Variants in MAP2K4 observed in about 807,000 individuals in gnomAD.
MAP2K4 encodes the protein mitogen-activated protein kinase kinase 4, also known as dual specificity mitogen-activated protein kinase kinase 4.
Under a neutral mutation model 48.5 loss-of-function variants are expected in MAP2K4, and 4 were observed. The observed-to-expected ratio is 0.08, with a 90% CI of 0.04 to 0.19. The LOEUF (loss-of-function observed/expected upper bound fraction) is 0.19, where lower values mean the gene tolerates loss of function less well. Ranked by LOEUF, MAP2K4 falls within the 10% of genes least tolerant of loss-of-function variation. The pLI, the probability that MAP2K4 is intolerant of heterozygous loss-of-function variation, is 1.00. For synonymous variants in MAP2K4, 166 were observed against 173.1 expected (o/e 0.96, Z 0.32); for missense variants, 258 against 493.3 (o/e 0.52, Z 4.52).
In MAP2K4 at chr17:12,081,841, A is replaced by G. The variant is rs578117049; in HGVS notation, c.393+311A>G. 1.9e-6 allele frequency: 1 copy of G among 515,946 alleles called. No homozygotes were observed. The highest frequency in any genetic ancestry group is 2.2e-5 in the Admixed American group (1 of 46,110). 32.0% of individuals were successfully genotyped at this position (515,946 alleles called of 1,614,324 possible). ...CAGGCTGGGCGGCTGCACCCCTGGG[A>G]GCAGGGCAGTGCTGCACTGAGCCAG... On this transcript the variant is annotated intron_variant, in intron 3 of 10. Transcript: ENST00000353533. The surrounding 1 kb of genome is among the most constrained non-coding windows in gnomAD (Gnocchi z 4.2).
chr17:12,139,794 C>A, intron 9 of MAP2K4, 45 bp from the exon 10 acceptor site: 3 of 1,327,010 alleles, frequency 2.3e-6, no homozygotes, highest in Non-Finnish European at 3.2e-6. Flanking sequence ...AATACTTAGG[C>A]AAATGAATCT....
At chr17:12,042,681 C>T (rs895446192) in intron 1 of MAP2K4, among the ~76,000 whole-genome samples, 1 of 150,710 alleles carries the variant, frequency 6.6e-6, no homozygotes, top group Non-Finnish European at 1.5e-5. Context: ...ACTATGGAGT[C>T]GAAAAGAAGG....
intron 2 of MAP2K4, among the ~76,000 whole-genome samples, chr17:12,057,087 A>G (rs1459111489): frequency 6.6e-6 from 1 of 152,100 alleles, no homozygotes; most frequent in East Asian, 1.9e-4. Flanking sequence ...GATCCTTTGC[A>G]AGATTAAAAA....
chr17:12,066,713 G>C (rs1249794291), intron 2 of MAP2K4, among the ~76,000 whole-genome samples: 4 of 151,582 alleles, frequency 2.6e-5, no homozygotes, highest in Non-Finnish European at 5.9e-5. Flanking sequence ...TTTTTGAGAC[G>C]GAGTCTCGTT....
At chr17:12,026,558 A>G (rs1969259492) in intron 1 of MAP2K4, among the ~76,000 whole-genome samples, 1 of 152,202 alleles carries the variant, frequency 6.6e-6, no homozygotes, top group Admixed American at 6.5e-5. Context: ...AGTCCCCTTC[A>G]TAGATGAGGG....
At chr17:12,029,394 G>A (rs1969359633) in intron 1 of MAP2K4, among the ~76,000 whole-genome samples, 1 of 151,960 alleles carries the variant, frequency 6.6e-6, no homozygotes, top group Non-Finnish European at 1.5e-5. Context: ...ACTTGCCTGG[G>A]GCCAGGAAAA....
intron 1 of MAP2K4, chr17:12,036,604 C>A (rs1969607043): frequency 6.6e-6 from 1 of 152,086 alleles, no homozygotes; most frequent in Non-Finnish European, 1.5e-5. Context: ...GTTGAGTTGC[C>A]CAATGTGTGC....
intron 4 of MAP2K4, among the ~76,000 whole-genome samples, chr17:12,096,752 T>C (rs1406931280): frequency 6.6e-6 from 1 of 152,154 alleles, no homozygotes; most frequent in Non-Finnish European, 1.5e-5. Flanking sequence ...ATATGCAATC[T>C]TATAATTGGA....
At chr17:12,035,346 C>T (rs998889870) in intron 1 of MAP2K4, among the ~76,000 whole-genome samples, 3 of 152,058 alleles carry the variant, frequency 2.0e-5, no homozygotes, top group Admixed American at 6.6e-5. Context: ...GGAGAAACCC[C>T]GCCTCTACTA....
intron 3 of MAP2K4, among the ~76,000 whole-genome samples, chr17:12,093,753 A>G (rs1462753065): frequency 1.3e-5 from 2 of 152,170 alleles, no homozygotes. Context: ...TTTCTTCTCT[A>G]CTTGTCTCTA....
intron 1 of MAP2K4, among the ~76,000 whole-genome samples, chr17:12,035,137 A>G (rs963808844): frequency 2.0e-5 from 3 of 152,234 alleles, no homozygotes; most frequent in Non-Finnish European, 4.4e-5. Flanking sequence ...TTAGAAGTGC[A>G]AATCTGTAAT....
chr17:12,103,135 G>A (rs866625785), intron 4 of MAP2K4, among the ~76,000 whole-genome samples: 133 of 151,374 alleles, frequency 8.8e-4, no homozygotes, highest in Middle Eastern at 3.5e-3. Flanking sequence ...GAACTCCTGG[G>A]CTCAAGGGAT....
intron 2 of MAP2K4, among the ~76,000 whole-genome samples, chr17:12,061,029 T>G (rs950849658): frequency 6.6e-6 from 1 of 152,124 alleles, no homozygotes; most frequent in Non-Finnish European, 1.5e-5. Context: ...TCTATGAATC[T>G]AACTACTTTT....
intron 1 of MAP2K4, among the ~76,000 whole-genome samples, chr17:12,044,374 TTATTC>T (rs1969890836): frequency 6.6e-6 from 1 of 152,242 alleles, no homozygotes; most frequent in East Asian, 1.9e-4. Flanking sequence ...ATAGCTTTCT[TTATTC>T]TAATCTACTT....
At chr17:12,025,677 T>A (rs1969231352) in intron 1 of MAP2K4, among the ~76,000 whole-genome samples, 1 of 152,222 alleles carries the variant, frequency 6.6e-6, no homozygotes, top group Admixed American at 6.5e-5. Context: ...CATTTTTATG[T>A]ATCAGTTTAA....
intron 2 of MAP2K4, among the ~76,000 whole-genome samples, chr17:12,075,781 C>G (rs1300398145): frequency 1.3e-5 from 2 of 152,082 alleles, no homozygotes; most frequent in African/African-American, 4.8e-5. Context: ...CACAGCCATT[C>G]CAGTAGTGAT....
intron 1 of MAP2K4, among the ~76,000 whole-genome samples, chr17:12,054,679 C>T (rs1370632286): frequency 5.3e-5 from 8 of 152,038 alleles, no homozygotes; most frequent in Non-Finnish European, 7.4e-5. Context: ...GTATCATAGC[C>T]TAGTGAATGA....
intron 7 of MAP2K4, chr17:12,115,879 G>A (rs187351883): frequency 3.1e-6 from 2 of 643,422 alleles, no homozygotes; most frequent in Admixed American, 3.9e-5. Flanking sequence ...CCTTTGGACT[G>A]TGTATTGGAC....
At chr17:12,139,712 T>G (rs1973315833) in intron 9 of MAP2K4, 127 bp from the exon 10 acceptor site, 1 of 613,116 alleles carries the variant, frequency 1.6e-6, no homozygotes, top group Admixed American at 2.9e-5. Context: ...TAGCAGGCTG[T>G]CTGCGTTGTT....
Sources: allele counts gnomAD v4.1 joint callset (sites outside exome capture counted in the v4.1 genomes callset), GRCh38; gene constraint gnomAD v4.1.1; non-coding constraint Gnocchi (gnomAD v3.1); transcripts MANE v1.5; gene names NCBI Gene and HGNC (gene_info 2026-07-23, HGNC 2026-07-21).